The following WDR7 variants were observed in gnomAD, a reference collection of about 807,000 sequenced individuals.
The protein encoded by WDR7 is WD repeat domain 7, also known as WD repeat-containing protein 7.
In WDR7, 46 loss-of-function variants were observed where a neutral mutation model predicts 169.4. The observed-to-expected ratio is 0.27, with a 90% CI of 0.21 to 0.35. The LOEUF (loss-of-function observed/expected upper bound fraction) is 0.35. WDR7 is among the 10% of genes least tolerant of loss of function. The pLI is 1.00. For missense variants in WDR7, 1,534 were observed against 1,859.3 expected, an observed-to-expected ratio of 0.83 and a Z score of 3.22; for synonymous variants, 612 against 666.8, an observed-to-expected ratio of 0.92 and a Z score of 1.27.
chr18:56,820,417 G>A lies in WDR7; in HGVS notation c.3304+4273G>A, dbSNP rs117141579. Among the ~76,000 whole-genome samples, 924 of 139,050 alleles carry A rather than the reference G, an allele frequency of 6.6e-3. 3 individuals are homozygous for A. Among genetic ancestry groups the A allele is most frequent in the Middle Eastern group, 0.049 (12 of 246 alleles). The allele number at this position is 139,050 out of a possible 152,430, so 91.2% of individuals were successfully genotyped here. A position where few individuals can be genotyped will look rare whatever the true frequency, so the allele number is the denominator to read the frequency against. On this transcript the variant is annotated intron_variant, in intron 20 of 27. Transcript: ENST00000254442. ...GTTGACAGATTCAACTACAAAAGCA[G>A]CAATGATACGTGGATCCCAATGGGT...
chr18:56,940,629 G>C (rs1008038043), intron 25 of WDR7, among the ~76,000 whole-genome samples: 6 of 152,170 alleles, frequency 3.9e-5, no homozygotes, highest in Admixed American at 2.0e-4. Context: ...TAAGAATACA[G>C]GTAGTTGTTA....
At chr18:56,940,632 AGTT>A (rs1261327971) in intron 25 of WDR7, among the ~76,000 whole-genome samples, 2 of 152,168 alleles carry the variant, frequency 1.3e-5, no homozygotes, top group African/African-American at 4.8e-5. Flanking sequence ...GAATACAGGT[AGTT>A]GTTATTTTTC....
intron 2 of WDR7, among the ~76,000 whole-genome samples, chr18:56,674,314 G>T (rs967887453): frequency 3.9e-5 from 6 of 152,102 alleles, no homozygotes; most frequent in Non-Finnish European, 7.4e-5. Context: ...TTATCTTTTT[G>T]ATTCTAGCCC....
chr18:56,795,498 A>G (rs1346966584), intron 19 of WDR7, among the ~76,000 whole-genome samples: 2 of 152,198 alleles, frequency 1.3e-5, no homozygotes, highest in Non-Finnish European at 2.9e-5. Context: ...ATTTGGAACT[A>G]CAGAAGTTTT....
intron 14 of WDR7, among the ~76,000 whole-genome samples, chr18:56,738,826 A>AAAATGT (rs2043567332): frequency 8.2e-6 from 1 of 121,582 alleles, no homozygotes; most frequent in African/African-American, 3.6e-5. Context: ...TTTTTTTTGC[A>AAAATGT]AAATGTGTTG....
chr18:57,032,858 A>G (rs2048450332), downstream of WDR7: 1 of 134,072 alleles, frequency 7.5e-6, no homozygotes, highest in Non-Finnish European at 1.6e-5. Context: ...GTGTAATAAT[A>G]GAAATAATGT....
chr18:56,960,352 A>G (rs1172530861), intron 25 of WDR7, among the ~76,000 whole-genome samples: 1 of 152,184 alleles, frequency 6.6e-6, no homozygotes, highest in Non-Finnish European at 1.5e-5. Context: ...CAACACAAGT[A>G]TATCTTACCA....
intron 21 of WDR7, among the ~76,000 whole-genome samples, chr18:56,888,028 G>T (rs1307581412): frequency 6.6e-6 from 1 of 152,042 alleles, no homozygotes; most frequent in African/African-American, 2.4e-5. Flanking sequence ...TTGAGATAAG[G>T]CCATTAAGAT....
At chr18:56,804,664 A>G (rs2044737804) in intron 19 of WDR7, among the ~76,000 whole-genome samples, 1 of 152,220 alleles carries the variant, frequency 6.6e-6, no homozygotes, top group South Asian at 2.1e-4. Context: ...ACTCAGCTTT[A>G]TAACAGTGGT....
intron 25 of WDR7, among the ~76,000 whole-genome samples, chr18:56,949,835 C>T (rs2047156230): frequency 6.6e-6 from 1 of 152,194 alleles, no homozygotes; most frequent in Non-Finnish European, 1.5e-5. Flanking sequence ...TATATGGTCA[C>T]TTTGCATTTA....
chr18:56,909,464 G>T (rs1419328208), intron 21 of WDR7, among the ~76,000 whole-genome samples: 1 of 152,116 alleles, frequency 6.6e-6, no homozygotes, highest in African/African-American at 2.4e-5. Flanking sequence ...ATACTGCCTA[G>T]ACATGAAATT....
chr18:56,921,491 T>C (rs2046719366), intron 21 of WDR7, among the ~76,000 whole-genome samples: 1 of 152,098 alleles, frequency 6.6e-6, no homozygotes, highest in Admixed American at 6.5e-5. Context: ...ATTTTACTTA[T>C]GAGATCGTTG....
At chr18:56,782,547 T>C (rs150092559) in intron 19 of WDR7, among the ~76,000 whole-genome samples, 3 of 152,078 alleles carry the variant, frequency 2.0e-5, no homozygotes, top group Non-Finnish European at 2.9e-5. Context: ...AAATTTTCAG[T>C]TTTGCAAGAT....
At chr18:56,820,825 A>C (rs1373292670) in intron 20 of WDR7, among the ~76,000 whole-genome samples, 1 of 152,166 alleles carries the variant, frequency 6.6e-6, no homozygotes, top group African/African-American at 2.4e-5. Flanking sequence ...GTATGATCTT[A>C]GAGACTAGCT....
intron 20 of WDR7, among the ~76,000 whole-genome samples, chr18:56,836,847 G>A (rs1169407391): frequency 6.6e-6 from 1 of 152,112 alleles, no homozygotes; most frequent in Non-Finnish European, 1.5e-5. Context: ...AGCATTTTCA[G>A]TAATACCTTT....
chr18:56,978,325 C>A (rs959604263), intron 26 of WDR7, among the ~76,000 whole-genome samples: 7 of 152,192 alleles, frequency 4.6e-5, no homozygotes, highest in African/African-American at 1.4e-4. Flanking sequence ...CTGTCAATGT[C>A]CCCCAATGTA....
At chr18:56,795,077 C>T (rs183787973) in intron 19 of WDR7, among the ~76,000 whole-genome samples, 11 of 152,222 alleles carry the variant, frequency 7.2e-5, no homozygotes, top group African/African-American at 2.4e-4. Flanking sequence ...AACAAAGACT[C>T]GAAGTGATTT....
chr18:56,960,029 A>T (rs1400544667), intron 25 of WDR7, among the ~76,000 whole-genome samples: 1 of 152,222 alleles, frequency 6.6e-6, no homozygotes, highest in African/African-American at 2.4e-5. Context: ...CTAAAGGAAT[A>T]AAAAGTTTAA....
At chr18:57,009,131 T>C (rs145497028) in intron 26 of WDR7, among the ~76,000 whole-genome samples, 7 of 152,368 alleles carry the variant, frequency 4.6e-5, no homozygotes, top group African/African-American at 1.7e-4. Context: ...AAAAAAGACA[T>C]ATATTGCATA....
Sources: allele counts gnomAD v4.1 joint callset (sites outside exome capture counted in the v4.1 genomes callset), GRCh38; gene constraint gnomAD v4.1.1; transcripts MANE v1.5; gene names NCBI Gene and HGNC (gene_info 2026-07-23, HGNC 2026-07-21).